The following MAPK10 variants were observed in gnomAD, a reference collection of about 807,000 sequenced individuals.
MAPK10 encodes mitogen-activated protein kinase 10.
A neutral mutation model predicts 59.3 loss-of-function variants in MAPK10; 25 were observed. That is an observed-to-expected ratio of 0.42 (90% confidence interval 0.31 to 0.59). MAPK10 has a LOEUF of 0.59. Among genes scored for constraint, MAPK10 ranks in the 20% least tolerant of loss-of-function variants. The probability of loss-of-function intolerance (pLI) is 0.15; values close to 1 mark genes in which losing one functional copy is unlikely to be tolerated. For synonymous variants in MAPK10, 190 were observed against 200.5 expected (o/e 0.95, Z 0.44); for missense variants, 351 against 568.9 (o/e 0.62, Z 3.90).
At chr4:86,203,314 T>C (rs539869673) in intron 2 of MAPK10, among the ~76,000 whole-genome samples, 3 of 152,016 alleles carry the variant, frequency 2.0e-5, no homozygotes, top group African/African-American at 4.8e-5. Flanking sequence ...TTAGGCTGAA[T>C]TGGTGCACAG....
chr4:86,205,012 G>A (rs544306436), intron 2 of MAPK10, among the ~76,000 whole-genome samples: 1 of 152,060 alleles, frequency 6.6e-6, no homozygotes, highest in African/African-American at 2.4e-5. Flanking sequence ...CCAAAAGGCA[G>A]TGAAAAGCAG....
intron 2 of MAPK10, among the ~76,000 whole-genome samples, chr4:86,310,875 A>T (rs2095654906): frequency 6.6e-6 from 1 of 151,940 alleles, no homozygotes; most frequent in Non-Finnish European, 1.5e-5. Flanking sequence ...TATTTACTCC[A>T]CATCTCCTAC....
intron 10 of MAPK10, among the ~76,000 whole-genome samples, chr4:86,067,117 T>C (rs1362626336): frequency 3.3e-5 from 5 of 152,118 alleles, no homozygotes; most frequent in African/African-American, 9.7e-5. Context: ...CTCAAGAAAA[T>C]TGGAATTACA....
At chr4:86,322,929 C>T (rs1021160862) in intron 2 of MAPK10, among the ~76,000 whole-genome samples, 10 of 152,208 alleles carry the variant, frequency 6.6e-5, no homozygotes, top group Non-Finnish European at 1.3e-4. Flanking sequence ...AATCCCAGGA[C>T]TTTGGGAGGC....
rs759640200 is a variant in MAPK10, at chr4:86,089,322, GAAC to G, written c.802+9199_802+9201del. On this transcript the variant is annotated intron_variant, in intron 9 of 13. Transcript: ENST00000641462. ...GAAGATAAACAAGAACACAGGAATA[GAAC>G]AACAAATAAATGAAAACACTGGGCT... The G allele has an allele frequency of 2.3e-6, 3 of 1,322,072 alleles. No individual in the cohort carries two copies. In the East Asian group the frequency reaches 7.0e-5, roughly 31 times the overall value. 81.9% of individuals were successfully genotyped at this position (1,322,072 alleles called of 1,614,324 possible). A position where few individuals can be genotyped will look rare whatever the true frequency, so the allele number is the denominator to read the frequency against.
At chr4:86,291,494 A>T (rs2095225965) in intron 2 of MAPK10, among the ~76,000 whole-genome samples, 1 of 152,228 alleles carries the variant, frequency 6.6e-6, no homozygotes, top group Non-Finnish European at 1.5e-5. Flanking sequence ...TTACAGAAAA[A>T]GTACAAGGTT....
At chr4:86,043,746 T>C (rs937848921) in intron 11 of MAPK10, among the ~76,000 whole-genome samples, 2 of 152,146 alleles carry the variant, frequency 1.3e-5, no homozygotes, top group African/African-American at 4.8e-5. Flanking sequence ...CTGGATCTTG[T>C]GTAAATGACT....
At position 86,107,274 on chromosome 4, in the gene MAPK10, G is replaced by C; in HGVS notation, c.315C>G (p.Ala105=). 6.2e-7 allele frequency: 1 copy of C among 1,613,332 alleles called. No individual in the cohort carries two copies. The highest frequency in any genetic ancestry group is 8.5e-7 in the Non-Finnish European group (1 of 1,179,516). The change falls in exon 5 of 14, where the codon GCC becomes GCG. Residue 105 remains alanine, a synonymous_variant. Transcript: ENST00000641462. ...GGACCAGCTCCCGGTACGCTCTCTT[G>C]GCATGTGTTTGGTTCTGAAAGGGTC... ...LSRPFQNQTH[A]KRAYRELVLM...
At chr4:86,441,484 AG>A (rs1215628634) in intron 1 of MAPK10, among the ~76,000 whole-genome samples, 1 of 152,262 alleles carries the variant, frequency 6.6e-6, no homozygotes, top group Non-Finnish European at 1.5e-5. Context: ...CACATGTTCC[AG>A]GGACATGCTA....
Position 86,359,746 on chromosome 4 carries a change from C to T in MAPK10, c.-210G>A, listed in dbSNP as rs2148982560. On this transcript the variant is annotated 5_prime_UTR_variant, in exon 1 of 14. Transcript: ENST00000641462. ...TGTTTTTCATTAACCACATTCCAGA[C>T]TAACATGGAAGAGATTCTTTGGAGA... 1.0e-6 allele frequency: 1 copy of T among 985,604 alleles called. No homozygotes were observed. Among genetic ancestry groups the T allele is most frequent in the Middle Eastern group, 5.2e-4 (1 of 1,914 alleles). 61.1% of individuals were successfully genotyped at this position (985,604 alleles called of 1,614,324 possible). A position where few individuals can be genotyped will look rare whatever the true frequency, so the allele number is the denominator to read the frequency against.
chr4:86,343,288 G>A (rs1298542735), intron 2 of MAPK10, among the ~76,000 whole-genome samples: 1 of 152,038 alleles, frequency 6.6e-6, no homozygotes, highest in Non-Finnish European at 1.5e-5. Context: ...ATTCTACCTA[G>A]GACTACAGGG....
intron 1 of MAPK10, among the ~76,000 whole-genome samples, chr4:86,403,868 A>G (rs1744035926): frequency 2.0e-5 from 3 of 152,154 alleles, no homozygotes; most frequent in African/African-American, 4.8e-5. Context: ...CGGAGATAAG[A>G]TTTCGGTAGG....
chr4:86,547,576 A>C (rs1157513176), intron 1 of MAPK10, among the ~76,000 whole-genome samples: 1 of 152,046 alleles, frequency 6.6e-6, no homozygotes, highest in Non-Finnish European at 1.5e-5. Flanking sequence ...AGCCTCCCCT[A>C]AGAGCGCCGC....
intron 2 of MAPK10, among the ~76,000 whole-genome samples, chr4:86,204,032 C>T (rs975914635): frequency 6.6e-6 from 1 of 151,738 alleles, no homozygotes; most frequent in Non-Finnish European, 1.5e-5. Context: ...GGAACATAGC[C>T]ATCCATTAGT....
At chr4:86,130,320 C>A (rs1046021482) in intron 4 of MAPK10, among the ~76,000 whole-genome samples, 2 of 151,910 alleles carry the variant, frequency 1.3e-5, no homozygotes, top group South Asian at 2.1e-4. Flanking sequence ...TGCTAATAAA[C>A]CATGTCATGT....
At chr4:86,435,168 A>C (rs1334112675) in intron 1 of MAPK10, among the ~76,000 whole-genome samples, 1 of 152,138 alleles carries the variant, frequency 6.6e-6, no homozygotes, top group East Asian at 1.9e-4. Flanking sequence ...AAGAATATAA[A>C]GGTAGTTATA....
At chr4:86,582,239 A>C (rs906847385) in intron 1 of MAPK10, among the ~76,000 whole-genome samples, 1 of 152,056 alleles carries the variant, frequency 6.6e-6, no homozygotes, top group African/African-American at 2.4e-5. Flanking sequence ...ATCCCTTTTG[A>C]GAAGAAGAAA....
At chr4:86,068,916 G>A (rs568754144) in intron 9 of MAPK10, among the ~76,000 whole-genome samples, 30 of 152,206 alleles carry the variant, frequency 2.0e-4, no homozygotes, top group African/African-American at 6.0e-4. Flanking sequence ...CTCGCCATGT[G>A]CCAGTGAATA....
intron 1 of MAPK10, among the ~76,000 whole-genome samples, chr4:86,372,920 T>C (rs1739130278): frequency 6.6e-6 from 1 of 152,196 alleles, no homozygotes; most frequent in Non-Finnish European, 1.5e-5. Flanking sequence ...TTAAATTTCA[T>C]GTGGAACCAA....
Sources: gnomAD v4.1 joint callset for allele counts (sites outside exome capture counted in the v4.1 genomes callset) on GRCh38, gnomAD v4.1.1 for gene constraint, MANE v1.5 for transcripts, NCBI Gene and HGNC (gene_info 2026-07-23, HGNC 2026-07-21) for gene names.